Variants in CTNNA2 observed in about 807,000 individuals in gnomAD.
The protein encoded by CTNNA2 is catenin alpha-2.
In CTNNA2, 42 loss-of-function variants were observed where a neutral mutation model predicts 101.0. That is an observed-to-expected ratio of 0.42 (90% CI 0.32 to 0.54). CTNNA2 has a LOEUF of 0.54. Ranked by LOEUF, CTNNA2 falls within the 20% of genes least tolerant of loss-of-function variation. The pLI is 0.14. For synonymous variants in CTNNA2, 450 were observed against 456.4 expected (o/e 0.99, Z 0.18); for missense variants, 871 against 1,223.1 (o/e 0.71, Z 4.29).
chr2:80,291,319 C>G (rs756276455), intron 7 of CTNNA2, among the ~76,000 whole-genome samples: 5 of 152,148 alleles, frequency 3.3e-5, no homozygotes, highest in Non-Finnish European at 5.9e-5. Flanking sequence ...AATTGGAGAA[C>G]TAGAAGGAAA....
In CTNNA2 at chr2:80,581,902, C is replaced by G. The variant is rs17019401; in HGVS notation, c.2007+83C>G. On this transcript the variant is annotated intron_variant, in intron 14 of 18. Coordinates refer to ENST00000402739, the MANE Select transcript of CTNNA2 (RefSeq NM_001282597.3). ...TTTGAGGGTATTTCTAAACTCCAGA[C>G]ACGTGGTACCCCAGAGATTCATGGG... is the stretch of plus-strand genomic sequence containing the variant. 0.38 allele frequency: 292,515 copies of G among 778,380 alleles called. 57,001 individuals are homozygous for G. The highest frequency in any genetic ancestry group is 0.58 in the East Asian group (22,926 of 39,866). 48.2% of individuals were successfully genotyped at this position (778,380 alleles called of 1,614,324 possible).
intron 9 of CTNNA2, among the ~76,000 whole-genome samples, chr2:80,459,734 T>C (rs1684271564): frequency 6.6e-6 from 1 of 152,104 alleles, no homozygotes; most frequent in African/African-American, 2.4e-5. Context: ...CTGACAATCA[T>C]CTCCTTTTCC....
chr2:79,255,824 A>G (rs1674837700), intron 2 of CTNNA2, among the ~76,000 whole-genome samples: 1 of 152,208 alleles, frequency 6.6e-6, no homozygotes, highest in African/African-American at 2.4e-5. Flanking sequence ...ACATAATTAA[A>G]TGAGGAAAGT....
At chr2:80,064,309 T>A (rs1298213570) in intron 7 of CTNNA2, among the ~76,000 whole-genome samples, 2 of 152,210 alleles carry the variant, frequency 1.3e-5, no homozygotes, top group African/African-American at 4.8e-5. Flanking sequence ...CTCTGAGGAG[T>A]ATCTCGGGAA....
chr2:79,608,824 A>C lies in CTNNA2; in HGVS notation c.-5-42728A>C, dbSNP rs1312803070. Among the ~76,000 whole-genome samples, 4 of 152,204 alleles carry C rather than the reference A, an allele frequency of 2.6e-5. No homozygotes were observed. The East Asian group carries it at 7.7e-4, about 29-fold the overall frequency. The stretch of plus-strand genomic sequence containing the variant: ...TAATGTTAAAAGACAGATGAGTCTT[A>C]TATTTTCCTTTGGATCAGGGACAAA... On this transcript the variant is annotated intron_variant, in intron 1 of 18. Coordinates refer to ENST00000402739, the MANE Select transcript of CTNNA2 (RefSeq NM_001282597.3).
At position 80,161,527 on chromosome 2, in the gene CTNNA2, T is replaced by G. The variant is rs1704318412; in HGVS notation, c.1057-231684T>G. On this transcript the variant is annotated intron_variant, in intron 7 of 18. Coordinates refer to ENST00000402739, the MANE Select transcript of CTNNA2 (RefSeq NM_001282597.3). ...AAAATTAGAAAACGTTAAGATTAAA[T>G]TCTTTCAAAGGTTCAAACAAAAAAA... Among the ~76,000 whole-genome samples, 5 of 152,128 alleles carry G rather than the reference T, an allele frequency of 3.3e-5. No homozygotes were observed. The South Asian group carries it at 1.0e-3, about 32-fold the overall frequency.
rs573635633 is a variant in CTNNA2, at chr2:80,205,013, A to G, written c.1057-188198A>G. On this transcript the variant is annotated intron_variant, in intron 7 of 18. Transcript: ENST00000402739. ...ATGAGACAAATTCACTCTGACAAGAACAGCATGAGAAAGACCTGCCCCCAT... is the reference window on the plus strand; with the variant it reads ...ATGAGACAAATTCACTCTGACAAGAGCAGCATGAGAAAGACCTGCCCCCAT... Among the ~76,000 whole-genome samples, 3 of 152,266 alleles carry G rather than the reference A, an allele frequency of 2.0e-5. No individual in the cohort carries two copies. The South Asian group carries it at 6.2e-4, about 32-fold the overall frequency.
At chr2:79,465,543 A>C (rs1251774041) in intron 4 of CTNNA2, among the ~76,000 whole-genome samples, 1 of 152,102 alleles carries the variant, frequency 6.6e-6, no homozygotes, top group Non-Finnish European at 1.5e-5. Flanking sequence ...CTTGATGGGG[A>C]TGGCATTGAA....
chr2:79,561,715 G>A (rs1232440825), intron 1 of CTNNA2, among the ~76,000 whole-genome samples: 3 of 151,844 alleles, frequency 2.0e-5, no homozygotes, highest in African/African-American at 4.8e-5. Flanking sequence ...GACTCATGAT[G>A]TTGAGCATCT....
intron 7 of CTNNA2, among the ~76,000 whole-genome samples, chr2:80,214,732 T>C (rs1708143325): frequency 6.6e-6 from 1 of 152,172 alleles, no homozygotes; most frequent in Admixed American, 6.5e-5. Flanking sequence ...GACAATTATG[T>C]GTCTTGGAGT....
intron 7 of CTNNA2, among the ~76,000 whole-genome samples, chr2:80,176,907 T>A (rs185799378): frequency 6.6e-6 from 1 of 152,288 alleles, no homozygotes; most frequent in Admixed American, 6.5e-5. Context: ...CTTCTGGTGA[T>A]GGTGAGAAAT....
chr2:80,444,036 C>T (rs1682849152), intron 9 of CTNNA2, among the ~76,000 whole-genome samples: 1 of 152,200 alleles, frequency 6.6e-6, no homozygotes, highest in Non-Finnish European at 1.5e-5. Flanking sequence ...AGAGACAAAG[C>T]TTAGTTCAAA....
At chr2:79,321,917 G>A (rs1676633534) in intron 3 of CTNNA2, among the ~76,000 whole-genome samples, 1 of 152,012 alleles carries the variant, frequency 6.6e-6, no homozygotes, top group African/African-American at 2.4e-5. Flanking sequence ...CAAACCACAA[G>A]GCTTTAAACA....
At chr2:79,456,761 C>T (rs988930320) in intron 4 of CTNNA2, among the ~76,000 whole-genome samples, 15 of 152,278 alleles carry the variant, frequency 9.9e-5, no homozygotes, top group African/African-American at 3.1e-4. Flanking sequence ...GTTAAACCTC[C>T]AATCTCAGCA....
chr2:80,070,654 C>T (rs1698270446), intron 7 of CTNNA2, among the ~76,000 whole-genome samples: 1 of 151,302 alleles, frequency 6.6e-6, no homozygotes, highest in Non-Finnish European at 1.5e-5. Flanking sequence ...GAGGTCGAGG[C>T]TGCAGTGAGC....
chr2:80,514,790 T>C (rs1435597554), intron 9 of CTNNA2, among the ~76,000 whole-genome samples: 1 of 152,160 alleles, frequency 6.6e-6, no homozygotes, highest in East Asian at 1.9e-4. Context: ...GGGATCTTTA[T>C]AGGCACAGGA....
intron 7 of CTNNA2, among the ~76,000 whole-genome samples, chr2:80,375,927 G>T: frequency 6.6e-6 from 1 of 151,984 alleles, no homozygotes; most frequent in East Asian, 1.9e-4. Flanking sequence ...CCTGGTTTCT[G>T]GCTTCCCTTT....
chr2:79,584,459 T>C (rs1304352718), intron 1 of CTNNA2, among the ~76,000 whole-genome samples: 1 of 152,054 alleles, frequency 6.6e-6, no homozygotes, highest in Non-Finnish European at 1.5e-5. Flanking sequence ...TGATTCTTGT[T>C]GATATTCAAA....
At chr2:80,332,351 T>TA (rs1267196519) in intron 7 of CTNNA2, among the ~76,000 whole-genome samples, 1 of 152,182 alleles carries the variant, frequency 6.6e-6, no homozygotes, top group East Asian at 1.9e-4. Flanking sequence ...TGTCTGTTTT[T>TA]ACTGGCTGTT....
Sources: gnomAD v4.1 joint callset for allele counts (sites outside exome capture counted in the v4.1 genomes callset) on GRCh38, gnomAD v4.1.1 for gene constraint, MANE v1.5 for transcripts, NCBI Gene and HGNC (gene_info 2026-07-23, HGNC 2026-07-21) for gene names.